Variants in ERC2 observed in about 807,000 individuals in gnomAD.
ERC2 encodes the protein ELKS/RAB6-interacting/CAST family member 2.
In ERC2, 42 loss-of-function variants were observed where a neutral mutation model predicts 114.8. The observed-to-expected ratio is 0.37, with a 90% confidence interval of 0.29 to 0.47. The LOEUF is 0.47. Among genes scored for constraint, ERC2 ranks in the 20% least tolerant of loss-of-function variants. The probability of loss-of-function intolerance (pLI) is 0.99; values close to 1 mark genes in which losing one functional copy is unlikely to be tolerated. For missense variants in ERC2, 939 were observed against 1,150.7 expected (o/e 0.82, Z 2.66); for synonymous variants, 454 against 425.5 (o/e 1.07, Z -0.82).
At chr3:56,363,149 C>T (rs1294201676) in intron 2 of ERC2, among the ~76,000 whole-genome samples, 2 of 151,970 alleles carry the variant, frequency 1.3e-5, no homozygotes, top group Non-Finnish European at 2.9e-5. Context: ...AACAATGGAT[C>T]AAGATGGAAA....
chr3:55,826,939 G>A (rs1444979285), intron 14 of ERC2, among the ~76,000 whole-genome samples: 2 of 152,212 alleles, frequency 1.3e-5, no homozygotes, highest in East Asian at 3.8e-4. Flanking sequence ...TGAAGAGCCG[G>A]CTGAAGTGAG....
At chr3:55,601,670 G>A (rs141272194) in intron 17 of ERC2, among the ~76,000 whole-genome samples, 1 of 152,276 alleles carries the variant, frequency 6.6e-6, no homozygotes, top group East Asian at 1.9e-4. Flanking sequence ...ATAAGAGAAG[G>A]ATAAAGAGCC....
At position 56,340,462 on chromosome 3, in the gene ERC2, G is replaced by C. The variant is rs73090529; in HGVS notation, c.658-44027C>G. ...AATTAGGTAGCAATATTGCTTCTAA[G>C]ATGAAGCTGTGCAAACCTAGTGGGA... On this transcript the variant is annotated intron_variant, in intron 2 of 17. Transcript: ENST00000288221. Among the ~76,000 whole-genome samples, 1,121 of 151,932 alleles carry C rather than the reference G, an allele frequency of 7.4e-3. 10 individuals carry two copies. The highest frequency in any genetic ancestry group is 0.02 in the Middle Eastern group (6 of 294).
At chr3:56,289,602 C>A (rs140609224) in intron 3 of ERC2, among the ~76,000 whole-genome samples, 1 of 152,190 alleles carries the variant, frequency 6.6e-6, no homozygotes, top group Non-Finnish European at 1.5e-5. Context: ...CCAAACTCAC[C>A]GTGCCTCAAA....
At chr3:55,700,214 T>C (rs1307121592) in intron 15 of ERC2, among the ~76,000 whole-genome samples, 1 of 152,216 alleles carries the variant, frequency 6.6e-6, no homozygotes, top group Non-Finnish European at 1.5e-5. Flanking sequence ...AATAGAAGTG[T>C]ACTGCTTTAT....
At chr3:55,833,139 T>G (rs1257598431) in intron 14 of ERC2, among the ~76,000 whole-genome samples, 3 of 149,784 alleles carry the variant, frequency 2.0e-5, no homozygotes, top group African/African-American at 7.6e-5. Flanking sequence ...CTGATTGGTG[T>G]ACCTGAAAGT....
chr3:56,450,494 A>G (rs141199849), intron 1 of ERC2, among the ~76,000 whole-genome samples: 72 of 152,332 alleles, frequency 4.7e-4, no homozygotes, highest in African/African-American at 1.5e-3. Flanking sequence ...AAAGTAATAA[A>G]CTATTATCTA....
At chr3:55,871,185 G>A (rs2062567134) in intron 14 of ERC2, among the ~76,000 whole-genome samples, 1 of 152,174 alleles carries the variant, frequency 6.6e-6, no homozygotes, top group African/African-American at 2.4e-5. Flanking sequence ...TAAGCTCCCA[G>A]AAAGCTGGGA....
At position 55,861,674 on chromosome 3, in the gene ERC2, T is replaced by C. The variant is rs147120023; in HGVS notation, c.2564+26715A>G. ...ACTTTGAACTGGATTAGCAAATTAC[T>C]AGGCAAATCGACTATGTACCCAAAG... On this transcript the variant is annotated intron_variant, in intron 14 of 17. Coordinates refer to ENST00000288221, the MANE Select transcript of ERC2 (RefSeq NM_015576.3). Among the ~76,000 whole-genome samples, 379 of 152,292 alleles carry C rather than the reference T, an allele frequency of 2.5e-3. 2 individuals are homozygous for C. Among genetic ancestry groups the C allele is most frequent in the African/African-American group, 8.5e-3 (355 of 41,558 alleles).
intron 17 of ERC2, among the ~76,000 whole-genome samples, chr3:55,559,020 C>G (rs1261162642): frequency 6.6e-6 from 1 of 152,230 alleles, no homozygotes; most frequent in South Asian, 2.1e-4. Context: ...GCTGAGAGAG[C>G]AGGAGACCCA....
intron 3 of ERC2, among the ~76,000 whole-genome samples, chr3:56,271,010 A>C (rs1225044560): frequency 2.6e-5 from 4 of 152,174 alleles, no homozygotes; most frequent in Non-Finnish European, 5.9e-5. Context: ...AACAAACAAA[A>C]AAAACCAGCC....
At chr3:55,959,161 G>A (rs915057202) in intron 12 of ERC2, among the ~76,000 whole-genome samples, 35 of 152,164 alleles carry the variant, frequency 2.3e-4, no homozygotes, top group Admixed American at 2.0e-3. Context: ...TCCTACCCAA[G>A]CCAAGAAAAC....
intron 17 of ERC2, among the ~76,000 whole-genome samples, chr3:55,521,659 C>T (rs1161578620): frequency 6.6e-6 from 1 of 152,198 alleles, no homozygotes; most frequent in Non-Finnish European, 1.5e-5. Context: ...GGCTGAGGTG[C>T]CTGCATCTTC....
chr3:55,568,739 G>A (rs2056525683), intron 17 of ERC2, among the ~76,000 whole-genome samples: 1 of 152,164 alleles, frequency 6.6e-6, no homozygotes, highest in African/African-American at 2.4e-5. Flanking sequence ...CCATTCAGAT[G>A]AAGCCAGCTC....
chr3:56,199,298 GA>G, intron 3 of ERC2, among the ~76,000 whole-genome samples: 1 of 152,226 alleles, frequency 6.6e-6, no homozygotes, highest in Admixed American at 6.5e-5. Flanking sequence ...GGGTGAAAAA[GA>G]ACCCAGTGGG....
chr3:56,044,010 C>T (rs2075333471), intron 7 of ERC2, among the ~76,000 whole-genome samples: 1 of 152,172 alleles, frequency 6.6e-6, no homozygotes, highest in Non-Finnish European at 1.5e-5. Context: ...TTCTTAAGTA[C>T]TCAAAGGATT....
At chr3:56,307,684 C>CTG (rs1312965146) in intron 2 of ERC2, among the ~76,000 whole-genome samples, 5 of 152,200 alleles carry the variant, frequency 3.3e-5, no homozygotes, top group African/African-American at 1.2e-4. Flanking sequence ...TTTTACCAGA[C>CTG]TGTGTTTCAA....
chr3:55,577,695 G>A (rs1484941377), intron 17 of ERC2, among the ~76,000 whole-genome samples: 1 of 152,162 alleles, frequency 6.6e-6, no homozygotes, highest in Non-Finnish European at 1.5e-5. Flanking sequence ...CATACTCTAG[G>A]CCTTGGAGAG....
At chr3:56,173,887 G>C (rs1194102763) in intron 3 of ERC2, 2 of 185,600 alleles carry the variant, frequency 1.1e-5, no homozygotes, top group Non-Finnish European at 2.2e-5. Flanking sequence ...CAAGGAAACA[G>C]AGGAAAGAAA....
Sources: gnomAD v4.1 joint callset for allele counts (sites outside exome capture counted in the v4.1 genomes callset) on GRCh38, gnomAD v4.1.1 for gene constraint, MANE v1.5 for transcripts, NCBI Gene and HGNC (gene_info 2026-07-23, HGNC 2026-07-21) for gene names.